MCC: variants seen among roughly 807,000 people sequenced by gnomAD.
The protein encoded by MCC is colorectal mutant cancer protein.
Under a neutral mutation model 116.2 loss-of-function variants are expected in MCC, and 90 were observed. That is an observed-to-expected ratio of 0.77 (90% CI 0.65 to 0.92). The LOEUF (loss-of-function observed/expected upper bound fraction) is 0.92. MCC is among the 40% of genes least tolerant of loss of function. MCC has a pLI of 0.00. For missense variants in MCC, 1,516 were observed against 1,312.2 expected (o/e 1.16, Z -2.40); for synonymous variants, 578 against 510.5 (o/e 1.13, Z -1.78).
chr5:113,070,809 G>C (rs1753984403), intron 12 of MCC, among the ~76,000 whole-genome samples: 1 of 152,154 alleles, frequency 6.6e-6, no homozygotes, highest in Non-Finnish European at 1.5e-5. Context: ...CATGAATAAA[G>C]ATCTGCAAGA....
At chr5:113,156,343 T>A (rs1760169142) in intron 3 of MCC, among the ~76,000 whole-genome samples, 1 of 152,152 alleles carries the variant, frequency 6.6e-6, no homozygotes, top group Non-Finnish European at 1.5e-5. Flanking sequence ...TAGGGCTGTG[T>A]CAAGACAAAT....
At chr5:113,124,977 G>T (rs946077350) in intron 5 of MCC, among the ~76,000 whole-genome samples, 5 of 152,216 alleles carry the variant, frequency 3.3e-5, no homozygotes, top group Non-Finnish European at 7.3e-5. Context: ...CCTAATTTCA[G>T]TTACGTCACA....
chr5:113,187,725 G>A (rs372323073), intron 3 of MCC, among the ~76,000 whole-genome samples: 4 of 147,022 alleles, frequency 2.7e-5, no homozygotes, highest in East Asian at 4.0e-4. Context: ...ACTGCACTCC[G>A]GCCTGGGCGA....
intron 3 of MCC, among the ~76,000 whole-genome samples, chr5:113,330,017 T>C (rs999519679): frequency 6.6e-6 from 1 of 152,242 alleles, no homozygotes; most frequent in Admixed American, 6.5e-5. Flanking sequence ...TGAGTCCTCA[T>C]GTAATTAATT....
intron 1 of MCC, among the ~76,000 whole-genome samples, chr5:113,411,455 T>C (rs1769989815): frequency 6.6e-6 from 1 of 152,222 alleles, no homozygotes; most frequent in South Asian, 2.1e-4. Flanking sequence ...GATGGGGTTA[T>C]CTGCTTTTTT....
intron 3 of MCC, among the ~76,000 whole-genome samples, chr5:113,229,532 C>T (rs1450675401): frequency 1.3e-5 from 2 of 152,122 alleles, no homozygotes; most frequent in African/African-American, 4.8e-5. Context: ...GGATTACTGG[C>T]CCAAACTTTT....
rs142803364 is a variant in MCC, at chr5:113,085,032, G to A, written c.1545+132C>T. On this transcript the variant is annotated intron_variant, in intron 9 of 18. Coordinates refer to ENST00000408903, the MANE Select transcript of MCC (RefSeq NM_001085377.2). ...CTTGCAGCTCCTGCATAGAAGGCCTGCGTAAGGTCCCAGGGGAAGCCCCTT... is the reference window on the plus strand; with the variant it reads ...CTTGCAGCTCCTGCATAGAAGGCCTACGTAAGGTCCCAGGGGAAGCCCCTT... The A allele has an allele frequency of 2.2e-4, 278 of 1,244,088 alleles. No individual in the cohort carries two copies. In the African/African-American group the frequency reaches 3.8e-3, roughly 17 times the overall value. 77.1% of individuals were successfully genotyped at this position (1,244,088 alleles called of 1,614,324 possible).
intron 1 of MCC, among the ~76,000 whole-genome samples, chr5:113,479,617 C>G (rs947631196): frequency 2.0e-5 from 3 of 152,114 alleles, no homozygotes; most frequent in Admixed American, 1.3e-4. Flanking sequence ...TTATCTTGAG[C>G]TACCTCAAGG....
chr5:113,035,851 G>C (rs936915977), intron 17 of MCC, among the ~76,000 whole-genome samples: 1 of 151,970 alleles, frequency 6.6e-6, no homozygotes, highest in African/African-American at 2.4e-5. Context: ...ACATCATCCC[G>C]TTTCCTTCAT....
At chr5:113,381,691 G>A (rs1016562626) in intron 2 of MCC, among the ~76,000 whole-genome samples, 3 of 152,142 alleles carry the variant, frequency 2.0e-5, no homozygotes, top group African/African-American at 4.8e-5. Context: ...GGGAAGCTGA[G>A]ACAGGAGGAT....
intron 11 of MCC, among the ~76,000 whole-genome samples, chr5:113,076,498 C>A (rs1156507636): frequency 6.6e-6 from 1 of 152,054 alleles, no homozygotes; most frequent in African/African-American, 2.4e-5. Context: ...AGAGTGGGGG[C>A]CAATATTAAA....
At chr5:113,153,193 A>T (rs923419468) in intron 3 of MCC, among the ~76,000 whole-genome samples, 18 of 152,198 alleles carry the variant, frequency 1.2e-4, no homozygotes, top group Non-Finnish European at 2.2e-4. Context: ...GTGAGAGCTG[A>T]CATGTTCTTG....
At chr5:113,354,975 T>C (rs907413590) in intron 2 of MCC, among the ~76,000 whole-genome samples, 15 of 152,048 alleles carry the variant, frequency 9.9e-5, no homozygotes, top group African/African-American at 3.4e-4. Context: ...TATATATGTA[T>C]GTATACACAT....
At position 113,323,456 on chromosome 5, in the gene MCC, C is replaced by A. The variant is rs905551820; in HGVS notation, c.627+17063G>T. On this transcript the variant is annotated intron_variant, in intron 3 of 18. Coordinates refer to ENST00000408903, the MANE Select transcript of MCC (RefSeq NM_001085377.2). ...TAAGCTGAGAATGGATAAAATGGAG[C>A]CAGCTCTGGGGTGGAAGGTGGTGGC... Among the ~76,000 whole-genome samples, 5 of 152,194 alleles carry A rather than the reference C, an allele frequency of 3.3e-5. No homozygotes were observed. The East Asian group carries it at 5.8e-4, about 18-fold the overall frequency.
Position 113,084,112 on chromosome 5 carries a change from T to C in MCC, c.1624A>G (p.Ser542Gly). 2.5e-6 allele frequency: 4 copies of C among 1,614,074 alleles called. No homozygotes were observed. Among genetic ancestry groups the C allele is most frequent in the Non-Finnish European group, 3.4e-6 (4 of 1,179,922 alleles). ...SDRPVLGSEI[S>G]SIGVSSSVAE... ...TCATGAACACTCACCCCTATGCTACTGATTTCTGAGCCCAGGACTGGCCGA... is the reference window on the plus strand; with the variant it reads ...TCATGAACACTCACCCCTATGCTACCGATTTCTGAGCCCAGGACTGGCCGA... The change falls in exon 10 of 19, where the codon AGT (serine) becomes GGT (glycine). Residue 542 changes from serine (S) to glycine (G), a missense_variant. Coordinates refer to ENST00000408903, the MANE Select transcript of MCC (RefSeq NM_001085377.2).
At chr5:113,470,590 C>T (rs1302513061) in intron 1 of MCC, among the ~76,000 whole-genome samples, 2 of 152,102 alleles carry the variant, frequency 1.3e-5, no homozygotes, top group South Asian at 2.1e-4. Flanking sequence ...GGTAACCTGA[C>T]CTTTCCCTCT....
At chr5:113,404,006 A>G (rs1024067819) in intron 1 of MCC, among the ~76,000 whole-genome samples, 2 of 152,140 alleles carry the variant, frequency 1.3e-5, no homozygotes, top group African/African-American at 4.8e-5. Flanking sequence ...AGCTGGGATT[A>G]CAGGCACGGG....
intron 1 of MCC, chr5:113,433,033 T>G (rs1770708701): frequency 6.6e-6 from 1 of 152,272 alleles, no homozygotes; most frequent in African/African-American, 2.4e-5. Context: ...CCAGTTGCCA[T>G]GCTACTCCTG....
chr5:113,311,392 G>A (rs1192037141), intron 3 of MCC, among the ~76,000 whole-genome samples: 1 of 152,146 alleles, frequency 6.6e-6, no homozygotes, highest in South Asian at 2.1e-4. Flanking sequence ...GCTAACGTGA[G>A]TGCATGTCTA....
Sources: gnomAD v4.1 joint callset for allele counts (sites outside exome capture counted in the v4.1 genomes callset) on GRCh38, gnomAD v4.1.1 for gene constraint, MANE v1.5 for transcripts, NCBI Gene and HGNC (gene_info 2026-07-23, HGNC 2026-07-21) for gene names.